FYB2: variants seen among roughly 807,000 people sequenced by gnomAD.
The protein encoded by FYB2 is FYN-binding protein 2.
In FYB2, 103 loss-of-function variants were observed where a neutral mutation model predicts 94.1. The observed-to-expected ratio is 1.09, with a 90% CI of 0.93 to 1.29. The LOEUF is 1.29. Among genes scored for constraint, FYB2 ranks in the 50% most tolerant of loss-of-function variants. The pLI, the probability that FYB2 is intolerant of heterozygous loss-of-function variation, is 0.00. For missense variants in FYB2, 896 were observed against 841.5 expected (o/e 1.06, Z -0.80); for synonymous variants, 293 against 287.9 (o/e 1.02, Z -0.18).
At chr1:56,733,197 A>G (rs1644749157) in intron 15 of FYB2, among the ~76,000 whole-genome samples, 1 of 151,972 alleles carries the variant, frequency 6.6e-6, no homozygotes, top group Non-Finnish European at 1.5e-5. Context: ...ATGACATTAA[A>G]ATGACCAATA....
At position 56,718,859 on chromosome 1, in the gene FYB2, C is replaced by T. The variant is rs1257271396; in HGVS notation, c.*812G>A. 1 of 152,514 alleles carries T rather than the reference C, an allele frequency of 6.6e-6. No individual in the cohort carries two copies. The highest frequency in any genetic ancestry group is 1.5e-5 in the Non-Finnish European group (1 of 68,002). The allele number at this position is 152,514 out of a possible 1,614,324, so 9.4% of individuals were successfully genotyped here. On this transcript the variant is annotated 3_prime_UTR_variant, in exon 20 of 20. Coordinates refer to ENST00000343433, the MANE Select transcript of FYB2 (RefSeq NM_001004303.5). ...CATGCAGTGCACCTCATTTAAAAAA[C>T]AGAATAGATGTCAGCTTTTAAATTT... is the stretch of plus-strand genomic sequence containing the variant.
upstream of FYB2, chr1:56,819,790 T>A (rs1442228118): frequency 1.2e-5 from 2 of 167,956 alleles, no homozygotes; most frequent in African/African-American, 4.8e-5. Context: ...AAACCCTTTC[T>A]CACGGTCAGG....
chr1:56,777,239 C>CAAAAAAAAAAAAAAAA lies in FYB2; in HGVS notation c.954-9317_954-9302dup, dbSNP rs1453236717. Among the ~76,000 whole-genome samples, 6 of 4,798 alleles carry CAAAAAAAAAAAAAAAA rather than the reference C, an allele frequency of 1.3e-3. 1 individual carries two copies. The highest frequency in any genetic ancestry group is 1.0e-3 in the Non-Finnish European group (4 of 3,850). The allele number at this position is 4,798 out of a possible 152,430, so 3.1% of individuals were successfully genotyped here. On this transcript the variant is annotated intron_variant, in intron 4 of 19. Transcript: ENST00000343433. Reference sequence around the variant, plus strand: ...ACAGAGCGAGACTCCGTCTCAAAAACAAAAAAAAAAAAAAAAAAAAAAAAA... The same window carrying CAAAAAAAAAAAAAAAA: ...ACAGAGCGAGACTCCGTCTCAAAAACAAAAAAAAAAAAAAAAAAAAAAAAAAAAAAAAAAAAAAAAA...
chr1:56,809,402 A>T lies in FYB2; in HGVS notation c.9+9880T>A, dbSNP rs74073583. On this transcript the variant is annotated intron_variant, in intron 1 of 19. Transcript: ENST00000343433. ...CAGTCTTACCTCTTCTAGTTCATCC[A>T]CTTCACTAGATTTGCTCTTCCTTTA... is the stretch of plus-strand genomic sequence containing the variant. 9.5e-3 allele frequency among the ~76,000 whole-genome samples: 1,446 copies of T among 151,822 alleles called. 18 individuals are homozygous for T. The highest frequency in any genetic ancestry group is 0.028 in the East Asian group (146 of 5,164).
chr1:56,751,236 G>T, intron 8 of FYB2, 33 bp from the exon 9 acceptor site: 1 of 1,600,134 alleles, frequency 6.2e-7, no homozygotes, highest in Non-Finnish European at 8.5e-7. Flanking sequence ...ATACTGTAGG[G>T]CTGTGACTTA....
At chr1:56,757,767 CTTTT>C (rs1348267775) in intron 6 of FYB2, among the ~76,000 whole-genome samples, 1 of 90,908 alleles carries the variant, frequency 1.1e-5, no homozygotes, top group African/African-American at 4.2e-5. Flanking sequence ...TTCATTCTTT[CTTTT>C]TCTTTTTTTT....
rs1644565339 is a variant in FYB2, at chr1:56,725,446, C to G, written c.1880+1051G>C. Among the ~76,000 whole-genome samples, 5 of 151,952 alleles carry G rather than the reference C, an allele frequency of 3.3e-5. No homozygotes were observed. In the South Asian group the frequency reaches 1.0e-3, roughly 32 times the overall value. On this transcript the variant is annotated intron_variant, in intron 16 of 19. Transcript: ENST00000343433. ...AATAAAATTATACTGTTATATCACTCTGTTGTAAAAAAATAAAAAGGCACT... is the reference window on the plus strand; with the variant it reads ...AATAAAATTATACTGTTATATCACTGTGTTGTAAAAAAATAAAAAGGCACT...
At chr1:56,731,059 G>C (rs188040626) in intron 15 of FYB2, among the ~76,000 whole-genome samples, 68 of 152,162 alleles carry the variant, frequency 4.5e-4, no homozygotes, top group Admixed American at 1.3e-3. Context: ...CTGAGTGACA[G>C]AGTGAGACCC....
rs1646292383 is a variant in FYB2 at position 56,792,435 on chromosome 1, A to C, written c.378T>G (p.Thr126=). Residue 126 remains threonine (T), a synonymous_variant, in exon 2 of 20, where the codon ACT becomes ACG. Transcript: ENST00000343433. ...TATTGGCCACCATTACTTTTTCCTTAGTGATTATCTCAACATTTGATTGAG... is the reference window on the plus strand; with the variant it reads ...TATTGGCCACCATTACTTTTTCCTTCGTGATTATCTCAACATTTGATTGAG... ...EVTQSNVEII[T]KEKVMVANSF... 1 of 1,614,008 alleles carries C rather than the reference A, an allele frequency of 6.2e-7. No individual in the cohort carries two copies. Among genetic ancestry groups the C allele is most frequent in the African/African-American group, 1.3e-5 (1 of 74,918 alleles).
At chr1:56,797,575 C>T (rs1462423968) in intron 1 of FYB2, among the ~76,000 whole-genome samples, 3 of 151,968 alleles carry the variant, frequency 2.0e-5, no homozygotes, top group African/African-American at 7.3e-5. Context: ...TAAATGAGGC[C>T]CTGAGGGTGT....
intron 4 of FYB2, among the ~76,000 whole-genome samples, chr1:56,772,470 T>A (rs1237164121): frequency 6.6e-6 from 1 of 152,162 alleles, no homozygotes; most frequent in East Asian, 1.9e-4. Context: ...AAACTAGATC[T>A]GAGATCCACC....
At chr1:56,757,808 T>C (rs1645392310) in intron 6 of FYB2, among the ~76,000 whole-genome samples, 2 of 150,084 alleles carry the variant, frequency 1.3e-5, no homozygotes, top group South Asian at 2.1e-4. Context: ...GTCTGTCTAC[T>C]GCCCAGGCTA....
chr1:56,758,785 C>T lies in FYB2; in HGVS notation c.1064-35G>A, dbSNP rs144649385. On this transcript the variant is annotated intron_variant, in intron 5 of 19. Coordinates refer to ENST00000343433, the MANE Select transcript of FYB2 (RefSeq NM_001004303.5). ...ACATAAAAAAATTATTTCAAGGCAG[C>T]TGATCCACCCATTTCTTATAGCACC... 2.8e-4 allele frequency: 423 copies of T among 1,533,262 alleles called. 2 individuals are homozygous for T. The African/African-American group carries it at 5.3e-3, about 19-fold the overall frequency. 95.0% of individuals were successfully genotyped at this position (1,533,262 alleles called of 1,614,324 possible).
intron 1 of FYB2, among the ~76,000 whole-genome samples, chr1:56,800,150 C>T (rs1646487028): frequency 6.6e-6 from 1 of 152,040 alleles, no homozygotes. Flanking sequence ...ACTCAAAATC[C>T]AAGGCAAAGA....
chr1:56,776,316 C>T (rs1645875354), intron 4 of FYB2, among the ~76,000 whole-genome samples: 2 of 151,978 alleles, frequency 1.3e-5, no homozygotes, highest in South Asian at 4.2e-4. Flanking sequence ...AGTTCTTTTT[C>T]TTGTCTTTGC....
rs537840236 is a variant in FYB2 at position 56,810,934 on chromosome 1, C to T, written c.9+8348G>A. On this transcript the variant is annotated intron_variant, in intron 1 of 19. Transcript: ENST00000343433. ...TGTGTTTCTCTATCACTGTATTTAC[C>T]ATCTTTTATTATCAATATCTGTTTA... 8.0e-4 allele frequency among the ~76,000 whole-genome samples: 122 copies of T among 152,210 alleles called. 1 individual carries two copies. The highest frequency in any genetic ancestry group is 7.7e-3 in the Admixed American group (118 of 15,288).
At chr1:56,761,040 C>T (rs6588650) in intron 5 of FYB2, among the ~76,000 whole-genome samples, 30,797 of 151,866 alleles carry the variant, frequency 0.2, 3,462 homozygotes, top group African/African-American at 0.3. Flanking sequence ...TTTTATTGTG[C>T]AGGCAGAGAA....
At chr1:56,753,965 A>AT (rs1645264331) in intron 7 of FYB2, 30 bp from the exon 8 acceptor site, 10 of 1,454,446 alleles carry the variant, frequency 6.9e-6, no homozygotes, top group Non-Finnish European at 9.6e-6. Flanking sequence ...CAGGAAAAAA[A>AT]TGAAGCTTAG....
At chr1:56,809,136 A>C (rs1646709112) in intron 1 of FYB2, among the ~76,000 whole-genome samples, 1 of 152,204 alleles carries the variant, frequency 6.6e-6, no homozygotes, top group Admixed American at 6.5e-5. Context: ...GCCCCACTGC[A>C]GACTTCAGTG....
Sources: gnomAD v4.1 joint callset for allele counts (sites outside exome capture counted in the v4.1 genomes callset) on GRCh38, gnomAD v4.1.1 for gene constraint, MANE v1.5 for transcripts, NCBI Gene and HGNC (gene_info 2026-07-23, HGNC 2026-07-21) for gene names.